The following GAP43 variants were observed in gnomAD, a reference collection of about 807,000 sequenced individuals.
GAP43 encodes neuromodulin.
In GAP43, 6 loss-of-function variants were observed where a neutral mutation model predicts 18.6. That is an observed-to-expected ratio of 0.32 (90% CI 0.18 to 0.64). The LOEUF is 0.64. Among genes scored for constraint, GAP43 ranks in the 30% least tolerant of loss-of-function variants. The pLI is 0.78. For synonymous variants in GAP43, 115 were observed against 111.4 expected (o/e 1.03, Z -0.20); for missense variants, 292 against 295.5 (o/e 0.99, Z 0.09).
intron 1 of GAP43, among the ~76,000 whole-genome samples, chr3:115,669,965 A>ATTTTTTTTTTTT (rs555813051): frequency 9.9e-6 from 1 of 100,702 alleles, no homozygotes; most frequent in Non-Finnish European, 2.2e-5. Context: ...TCATCTTTTT[A>ATTTTTTTTTTTT]TTTTTATTTT....
chr3:115,675,874 A>G, intron 1 of GAP43, 139 bp from the exon 2 acceptor site: 1 of 1,203,060 alleles, frequency 8.3e-7, no homozygotes, highest in Admixed American at 2.9e-5. Context: ...TTGAACTTCC[A>G]GGGTACTGTT....
chr3:115,714,708 G>T (rs200964445), intron 2 of GAP43, among the ~76,000 whole-genome samples: 1 of 146,986 alleles, frequency 6.8e-6, no homozygotes. Flanking sequence ...TTTGTTTATT[G>T]TTTTTTTTTT....
Position 115,675,758 on chromosome 3 carries a change from C to CAAAAAAAAAAAAAAAAAAAAAAAAA in GAP43, c.31-249_31-225dup, listed in dbSNP as rs67744380. Among the ~76,000 whole-genome samples the CAAAAAAAAAAAAAAAAAAAAAAAAA allele has an allele frequency of 4.0e-5, 2 of 50,528 alleles. 1 individual carries two copies. 33.1% of individuals were successfully genotyped at this position (50,528 alleles called of 152,430 possible). A position where few individuals can be genotyped will look rare whatever the true frequency, so the allele number is the denominator to read the frequency against. On this transcript the variant is annotated intron_variant, in intron 1 of 2. Coordinates refer to ENST00000305124, the MANE Select transcript of GAP43 (RefSeq NM_002045.4). ...TGGGTGACAGACTGAGACTCTATCTCAAAAAAAAAAAAAAAAAAAAAAAAA... is the reference window on the plus strand; with the variant it reads ...TGGGTGACAGACTGAGACTCTATCTCAAAAAAAAAAAAAAAAAAAAAAAAAAAAAAAAAAAAAAAAAAAAAAAAAA...
chr3:115,676,485 C>A lies in GAP43; in HGVS notation c.503C>A (p.Ala168Asp). ...CCAGCCAAGGAGGAGCCTAAACAAGCCGATGTGCCTGCTGCTGTCACTGCT... is the reference window on the plus strand; with the variant it reads ...CCAGCCAAGGAGGAGCCTAAACAAGACGATGTGCCTGCTGCTGTCACTGCT... Reference protein sequence around the residue: ...DAPAKEEPKQADVPAAVTAAA... With the variant: ...DAPAKEEPKQDDVPAAVTAAA... Residue 168 changes from alanine (A) to aspartate (D), a missense_variant, in exon 2 of 3, where the codon GCC (alanine) becomes GAC (aspartate). Transcript: ENST00000305124. The A allele has an allele frequency of 6.2e-7, 1 of 1,614,090 alleles. No individual in the cohort carries two copies. The highest frequency in any genetic ancestry group is 8.5e-7 in the Non-Finnish European group (1 of 1,180,018).
At chr3:115,711,396 A>G (rs980349726) in intron 2 of GAP43, among the ~76,000 whole-genome samples, 1 of 152,168 alleles carries the variant, frequency 6.6e-6, no homozygotes, top group African/African-American at 2.4e-5. Context: ...GCAAGCTCAC[A>G]AGAATTTGAA....
At chr3:115,677,502 G>C (rs1053779612) in intron 2 of GAP43, among the ~76,000 whole-genome samples, 8 of 152,164 alleles carry the variant, frequency 5.3e-5, no homozygotes, top group Non-Finnish European at 1.2e-4. Context: ...AAATTCAACA[G>C]AGTTTCGTCC....
At chr3:115,658,519 TCTGC>T (rs1261156576) in intron 1 of GAP43, 1 of 152,240 alleles carries the variant, frequency 6.6e-6, no homozygotes. Context: ...TCACCGGCTC[TCTGC>T]GCCCCCACCC....
chr3:115,669,168 T>G (rs1159773343), intron 1 of GAP43, among the ~76,000 whole-genome samples: 1 of 152,190 alleles, frequency 6.6e-6, no homozygotes, highest in Admixed American at 6.5e-5. Context: ...CTTAGATGTA[T>G]TATTATTTTC....
chr3:115,665,335 A>G (rs985175161), intron 1 of GAP43, among the ~76,000 whole-genome samples: 1 of 152,164 alleles, frequency 6.6e-6, no homozygotes, highest in Non-Finnish European at 1.5e-5. Flanking sequence ...TAGGATTGCT[A>G]CTTATTCAGT....
chr3:115,633,194 AAAGAGAGAGAT>A (rs1479966470), intron 1 of GAP43, among the ~76,000 whole-genome samples: 1 of 152,026 alleles, frequency 6.6e-6, no homozygotes, highest in Non-Finnish European at 1.5e-5. Context: ...GATGAGAGAG[AAAGAGAGAGAT>A]AAGAGAGAGA....
At chr3:115,691,146 C>G (rs940362813) in intron 2 of GAP43, among the ~76,000 whole-genome samples, 1 of 152,132 alleles carries the variant, frequency 6.6e-6, no homozygotes, top group Non-Finnish European at 1.5e-5. Flanking sequence ...ATTACTTCAT[C>G]CAGCAAATAA....
At chr3:115,667,323 C>T (rs1387655231) in intron 1 of GAP43, among the ~76,000 whole-genome samples, 11 of 152,046 alleles carry the variant, frequency 7.2e-5, no homozygotes, top group African/African-American at 2.4e-4. Flanking sequence ...CCAAGAGTGA[C>T]AACATTTGAA....
At chr3:115,642,124 T>C (rs559733020) in intron 1 of GAP43, among the ~76,000 whole-genome samples, 72 of 152,200 alleles carry the variant, frequency 4.7e-4, no homozygotes, top group African/African-American at 1.6e-3. Flanking sequence ...ATACTCCCAA[T>C]TTCTAGATGT....
At chr3:115,715,792 A>G (rs571717862) in intron 2 of GAP43, among the ~76,000 whole-genome samples, 15 of 152,320 alleles carry the variant, frequency 9.8e-5, no homozygotes, top group South Asian at 6.2e-4. Context: ...CTTCAGACCT[A>G]CATAGCTGTG....
intron 2 of GAP43, among the ~76,000 whole-genome samples, chr3:115,708,209 A>G (rs1473388588): frequency 6.6e-6 from 1 of 152,242 alleles, no homozygotes; most frequent in Non-Finnish European, 1.5e-5. Context: ...CTAAAAAGAT[A>G]CCACAAACTA....
intron 2 of GAP43, among the ~76,000 whole-genome samples, chr3:115,709,448 C>CCAGT (rs1471203811): frequency 2.6e-5 from 4 of 152,190 alleles, no homozygotes; most frequent in African/African-American, 9.7e-5. Context: ...TTCTTCTCAA[C>CCAGT]TGGGATCCTG....
chr3:115,681,935 C>T (rs1255740432), intron 2 of GAP43, among the ~76,000 whole-genome samples: 2 of 152,094 alleles, frequency 1.3e-5, no homozygotes, highest in Non-Finnish European at 2.9e-5. Flanking sequence ...CATGCTGAAC[C>T]CTGACACTTA....
chr3:115,651,147 TAAAG>T lies in GAP43; in HGVS notation c.31-24861_31-24858del, dbSNP rs1322993075. ...TGGAAAAAAACAATAATAATAATAA[TAAAG>T]AAAGTAAAATCCAATTCTGTCACAC... On this transcript the variant is annotated intron_variant, in intron 1 of 2. Transcript: ENST00000305124. Among the ~76,000 whole-genome samples, 9 of 152,070 alleles carry T rather than the reference TAAAG, an allele frequency of 5.9e-5. No homozygotes were observed. In the East Asian group the frequency reaches 1.7e-3, roughly 29 times the overall value.
chr3:115,682,340 T>G (rs1708968047), intron 2 of GAP43, among the ~76,000 whole-genome samples: 1 of 152,136 alleles, frequency 6.6e-6, no homozygotes, highest in Admixed American at 6.5e-5. Context: ...GAAATGGAAA[T>G]TTTCATATCT....
Sources: gnomAD v4.1 joint callset for allele counts (sites outside exome capture counted in the v4.1 genomes callset) on GRCh38, gnomAD v4.1.1 for gene constraint, MANE v1.5 for transcripts, NCBI Gene and HGNC (gene_info 2026-07-23, HGNC 2026-07-21) for gene names.